MTREX: variants seen among roughly 807,000 people sequenced by gnomAD.
MTREX encodes exosome RNA helicase MTR4.
MTREX carries 76 observed loss-of-function variants against 135.4 expected under a neutral mutation model. The ratio of observed to expected loss-of-function variants is 0.56; its 90% CI spans 0.47 to 0.68. The LOEUF is 0.68. Among genes scored for constraint, MTREX ranks in the 30% least tolerant of loss-of-function variants. The pLI is 0.00. For missense variants in MTREX, 920 were observed against 1,262.1 expected (o/e 0.73, Z 4.11); for synonymous variants, 404 against 401.6 (o/e 1.01, Z -0.07).
At chr5:55,397,141 A>G (rs1305750218) in intron 19 of MTREX, among the ~76,000 whole-genome samples, 1 of 152,214 alleles carries the variant, frequency 6.6e-6, no homozygotes, top group Non-Finnish European at 1.5e-5. Flanking sequence ...AAAAATGAGT[A>G]AAGTGTGCAT....
At chr5:55,311,301 T>C (rs1200634209) in intron 1 of MTREX, among the ~76,000 whole-genome samples, 1 of 152,176 alleles carries the variant, frequency 6.6e-6, no homozygotes, top group Non-Finnish European at 1.5e-5. Context: ...AATAATTCCT[T>C]AATATCGTTA....
intron 18 of MTREX, 50 bp from the exon 19 acceptor site, chr5:55,387,924 A>G (rs765620862): frequency 1.3e-6 from 2 of 1,516,100 alleles, no homozygotes; most frequent in African/African-American, 1.4e-5. Flanking sequence ...CTTAAAATTT[A>G]TGGGCCAGTT....
chr5:55,365,162 G>A (rs893564956), intron 15 of MTREX, among the ~76,000 whole-genome samples: 7 of 152,122 alleles, frequency 4.6e-5, no homozygotes, highest in South Asian at 2.1e-4. Flanking sequence ...ATTGAAACCC[G>A]AGATTTCTTG....
At chr5:55,330,926 A>G (rs1352192966) in intron 5 of MTREX, among the ~76,000 whole-genome samples, 1 of 151,278 alleles carries the variant, frequency 6.6e-6, no homozygotes, top group Non-Finnish European at 1.5e-5. Context: ...TGTTGCTGTG[A>G]CTTCAGGTTT....
intron 16 of MTREX, among the ~76,000 whole-genome samples, chr5:55,372,051 C>G (rs1182345129): frequency 1.3e-5 from 2 of 152,118 alleles, no homozygotes; most frequent in African/African-American, 4.8e-5. Context: ...TTCCTCTGGT[C>G]TGTGCTGCCT....
At chr5:55,326,749 C>G (rs1749384765) in intron 3 of MTREX, among the ~76,000 whole-genome samples, 1 of 151,994 alleles carries the variant, frequency 6.6e-6, no homozygotes, top group Non-Finnish European at 1.5e-5. Context: ...GCAGAACATG[C>G]AGTTTTGTTA....
intron 7 of MTREX, among the ~76,000 whole-genome samples, chr5:55,342,338 G>A (rs192293990): frequency 1.8e-3 from 274 of 152,296 alleles, no homozygotes; most frequent in African/African-American, 6.3e-3. Context: ...TTAAAAGATG[G>A]CGTGCTTCTA....
At chr5:55,325,260 G>T (rs1235086074) in intron 3 of MTREX, among the ~76,000 whole-genome samples, 1 of 149,784 alleles carries the variant, frequency 6.7e-6, no homozygotes, top group African/African-American at 2.5e-5. Context: ...GATTCAGGAG[G>T]TGGTACATAT....
chr5:55,384,400 A>T (rs191840917), intron 18 of MTREX, among the ~76,000 whole-genome samples: 14 of 152,214 alleles, frequency 9.2e-5, no homozygotes, highest in Admixed American at 9.2e-4. Context: ...TCTGTTTGAT[A>T]CAACATTGTT....
intron 1 of MTREX, among the ~76,000 whole-genome samples, chr5:55,310,460 T>G (rs1749093638): frequency 6.6e-6 from 1 of 152,114 alleles, no homozygotes; most frequent in Non-Finnish European, 1.5e-5. Flanking sequence ...ATACAAAATT[T>G]AGCCATGCCT....
chr5:55,340,613 G>A (rs972820027), intron 6 of MTREX, among the ~76,000 whole-genome samples: 16 of 152,164 alleles, frequency 1.1e-4, no homozygotes, highest in African/African-American at 1.7e-4. Flanking sequence ...ATGGAGTCTC[G>A]TTCTGTCTCG....
chr5:55,309,492 G>A (rs920076047), intron 1 of MTREX, among the ~76,000 whole-genome samples: 1 of 152,108 alleles, frequency 6.6e-6, no homozygotes, highest in Admixed American at 6.6e-5. Flanking sequence ...GAATGGAAAG[G>A]TACGAACATG....
intron 21 of MTREX, among the ~76,000 whole-genome samples, chr5:55,403,593 T>C (rs924538702): frequency 2.0e-5 from 3 of 152,242 alleles, no homozygotes; most frequent in African/African-American, 2.4e-5. Context: ...CTCACAGTTA[T>C]TAGCACGATG....
chr5:55,367,013 C>T, intron 16 of MTREX, 138 bp downstream of exon 16: 1 of 595,040 alleles, frequency 1.7e-6, no homozygotes. Flanking sequence ...CAACTGTAGT[C>T]TGGTCATTGT....
In MTREX at chr5:55,424,726, C is replaced by T; in HGVS notation, c.3083C>T (p.Thr1028Ile). ...ELENKFAEGI[T>I]KIKRDIVFAA... Reference sequence around the variant, plus strand: ...TTACTTTCTTTTCTCTTAGGAATCACCAAAATCAAGAGAGATATTGTGTTT... The same window carrying T: ...TTACTTTCTTTTCTCTTAGGAATCATCAAAATCAAGAGAGATATTGTGTTT... The change falls in exon 27 of 27, where the codon ACC (threonine) becomes ATC (isoleucine). Residue 1028 changes from threonine to isoleucine, a missense_variant. By Grantham distance (89) the Thr-to-Ile change is moderately conservative. This residue lies in a region of MTREX where 467 missense variants were observed against 589.7 expected (regional missense o/e 0.79). Coordinates refer to ENST00000230640, the MANE Select transcript of MTREX (RefSeq NM_015360.5). 1 of 1,610,662 alleles carries T rather than the reference C, an allele frequency of 6.2e-7. No homozygotes were observed. Among genetic ancestry groups the T allele is most frequent in the Non-Finnish European group, 8.5e-7 (1 of 1,177,038 alleles).
At chr5:55,323,838 G>A (rs530525148) in intron 2 of MTREX, among the ~76,000 whole-genome samples, 54 of 152,264 alleles carry the variant, frequency 3.5e-4, no homozygotes, top group African/African-American at 1.2e-3. Flanking sequence ...CTTGGTAGAG[G>A]CACTTTTTAT....
chr5:55,326,837 A>G (rs1749386384), intron 3 of MTREX, among the ~76,000 whole-genome samples: 2 of 151,970 alleles, frequency 1.3e-5, no homozygotes, highest in South Asian at 4.2e-4. Context: ...TCCTAATGCT[A>G]TCCCTCCCCT....
chr5:55,395,628 G>A (rs1484147424), intron 19 of MTREX, among the ~76,000 whole-genome samples: 2 of 152,014 alleles, frequency 1.3e-5, no homozygotes, highest in South Asian at 4.2e-4. Context: ...AAAGAATCCT[G>A]CAGATAGCAC....
At chr5:55,325,037 T>C (rs1231509809) in intron 3 of MTREX, among the ~76,000 whole-genome samples, 1 of 152,144 alleles carries the variant, frequency 6.6e-6, no homozygotes, top group Non-Finnish European at 1.5e-5. Context: ...CTTGTATCCA[T>C]TTAGAAGTGA....
Sources: gnomAD v4.1 joint callset for allele counts (sites outside exome capture counted in the v4.1 genomes callset) on GRCh38, gnomAD v4.1.1 for gene constraint, gnomAD v4.1.1 regional missense constraint, MANE v1.5 for transcripts, NCBI Gene and HGNC (gene_info 2026-07-23, HGNC 2026-07-21) for gene names.